NLGN1: variants seen among roughly 807,000 people sequenced by gnomAD.
NLGN1 encodes neuroligin 1.
In NLGN1, 12 loss-of-function variants were observed where a neutral mutation model predicts 65.5. The ratio of observed to expected loss-of-function variants is 0.18; its 90% CI spans 0.12 to 0.30. The LOEUF (loss-of-function observed/expected upper bound fraction) is 0.30, where lower values mean the gene tolerates loss of function less well. Ranked by LOEUF, NLGN1 falls within the 10% of genes least tolerant of loss-of-function variation. The pLI is 1.00. For missense variants in NLGN1, 750 were observed against 1,007.1 expected, an observed-to-expected ratio of 0.74 and a Z score of 3.46; for synonymous variants, 350 against 359.5, an observed-to-expected ratio of 0.97 and a Z score of 0.30.
chr3:174,135,522 C>T (rs564918187), intron 4 of NLGN1, among the ~76,000 whole-genome samples: 2 of 152,176 alleles, frequency 1.3e-5, no homozygotes, highest in South Asian at 2.1e-4. Context: ...TTTGAAATAA[C>T]AAGCTTTTTT....
chr3:173,972,733 G>A (rs1716542735), intron 4 of NLGN1, among the ~76,000 whole-genome samples: 1 of 152,052 alleles, frequency 6.6e-6, no homozygotes, highest in Non-Finnish European at 1.5e-5. Context: ...TGATTAGATT[G>A]GAAGATTAAA....
At chr3:173,784,858 A>C (rs1781711184) in intron 3 of NLGN1, among the ~76,000 whole-genome samples, 1 of 152,240 alleles carries the variant, frequency 6.6e-6, no homozygotes, top group Non-Finnish European at 1.5e-5. Context: ...AGTCACGCAA[A>C]TAAGCATCAG....
chr3:174,059,808 G>A (rs1737004490), intron 4 of NLGN1, among the ~76,000 whole-genome samples: 1 of 152,124 alleles, frequency 6.6e-6, no homozygotes, highest in Non-Finnish European at 1.5e-5. Context: ...GTTAAGTAAT[G>A]CTGAATTTAT....
At chr3:173,794,014 G>A (rs1276218880) in intron 3 of NLGN1, among the ~76,000 whole-genome samples, 2 of 151,940 alleles carry the variant, frequency 1.3e-5, no homozygotes, top group Non-Finnish European at 2.9e-5. Context: ...CTCCTTGTAT[G>A]CCAGCCACAC....
chr3:173,578,473 G>A (rs1008603801), intron 2 of NLGN1, among the ~76,000 whole-genome samples: 2 of 151,926 alleles, frequency 1.3e-5, no homozygotes, highest in Non-Finnish European at 2.9e-5. Context: ...AATACCACTG[G>A]GATATAACTA....
chr3:173,480,265 G>T (rs1236458508), intron 2 of NLGN1, among the ~76,000 whole-genome samples: 3 of 152,046 alleles, frequency 2.0e-5, no homozygotes, highest in South Asian at 4.2e-4. Context: ...AGAATCAGAT[G>T]AAGGACATTA....
At chr3:174,010,941 C>G (rs1471923290) in intron 4 of NLGN1, among the ~76,000 whole-genome samples, 1 of 152,038 alleles carries the variant, frequency 6.6e-6, no homozygotes, top group Admixed American at 6.6e-5. Flanking sequence ...AATTACTGCT[C>G]AATTTGATAG....
intron 4 of NLGN1, among the ~76,000 whole-genome samples, chr3:174,187,967 T>C (rs1313870899): frequency 1.3e-5 from 2 of 152,070 alleles, no homozygotes; most frequent in Non-Finnish European, 2.9e-5. Context: ...CATTACATGT[T>C]TATTGAATGA....
chr3:173,673,626 G>T (rs920710133), intron 3 of NLGN1, among the ~76,000 whole-genome samples: 1 of 152,130 alleles, frequency 6.6e-6, no homozygotes, highest in Non-Finnish European at 1.5e-5. Context: ...CCCATTTTGT[G>T]CATGAGGAAA....
chr3:173,587,111 A>G (rs1747593058), intron 2 of NLGN1, among the ~76,000 whole-genome samples: 1 of 152,222 alleles, frequency 6.6e-6, no homozygotes. Context: ...GCATATTCCA[A>G]AACCATTAAA....
chr3:173,846,329 C>T (rs1296426273), intron 4 of NLGN1, among the ~76,000 whole-genome samples: 1 of 152,010 alleles, frequency 6.6e-6, no homozygotes, highest in South Asian at 2.1e-4. Context: ...AATGGGTGAC[C>T]CAGGGCTCAG....
At chr3:173,414,807 G>A (rs1038141696) in intron 1 of NLGN1, among the ~76,000 whole-genome samples, 11 of 152,188 alleles carry the variant, frequency 7.2e-5, no homozygotes, top group Non-Finnish European at 1.2e-4. Flanking sequence ...GGTGAAGTGG[G>A]TGGTTTTGAG....
At chr3:173,523,488 C>T (rs73043567) in intron 2 of NLGN1, among the ~76,000 whole-genome samples, 4,549 of 151,646 alleles carry the variant, frequency 0.03, 250 homozygotes, top group African/African-American at 0.099. Context: ...GCCAGTTTTC[C>T]GATCACCATT....
intron 4 of NLGN1, among the ~76,000 whole-genome samples, chr3:173,906,216 C>A (rs1738355018): frequency 6.6e-6 from 1 of 152,100 alleles, no homozygotes; most frequent in Non-Finnish European, 1.5e-5. Flanking sequence ...TTATCTGGGG[C>A]CTAAGCCTGT....
chr3:174,081,837 C>T (rs1486657709), intron 4 of NLGN1, among the ~76,000 whole-genome samples: 1 of 152,142 alleles, frequency 6.6e-6, no homozygotes. Context: ...TCCCAAAGTG[C>T]TGGGATTACA....
chr3:174,152,941 T>C (rs1724681740), intron 4 of NLGN1, among the ~76,000 whole-genome samples: 1 of 152,168 alleles, frequency 6.6e-6, no homozygotes, highest in African/African-American at 2.4e-5. Context: ...GTCTTTACTA[T>C]CTTTTCATGC....
intron 3 of NLGN1, among the ~76,000 whole-genome samples, chr3:173,665,982 G>T (rs1381697671): frequency 2.6e-5 from 4 of 152,048 alleles, no homozygotes; most frequent in Admixed American, 2.6e-4. Context: ...ACACATGAAG[G>T]ACAGAAAATG....
At chr3:174,215,942 A>G (rs6798501) in intron 4 of NLGN1, among the ~76,000 whole-genome samples, 17,024 of 151,992 alleles carry the variant, frequency 0.11, 2,172 homozygotes, top group African/African-American at 0.31. Context: ...CACAGAGCCA[A>G]ACGGCTTTAT....
chr3:173,988,432 C>G (rs1473623420), intron 4 of NLGN1, among the ~76,000 whole-genome samples: 1 of 152,118 alleles, frequency 6.6e-6, no homozygotes, highest in East Asian at 1.9e-4. Flanking sequence ...CATCAACAAT[C>G]CTTTGTTAAT....
Sources: gnomAD v4.1 joint callset for allele counts (sites outside exome capture counted in the v4.1 genomes callset) on GRCh38, gnomAD v4.1.1 for gene constraint, MANE v1.5 for transcripts, NCBI Gene and HGNC (gene_info 2026-07-23, HGNC 2026-07-21) for gene names.